Variants in LHFPL3 observed in about 807,000 individuals in gnomAD.
The protein encoded by LHFPL3 is LHFPL tetraspan subfamily member 3.
A neutral mutation model predicts 19.3 loss-of-function variants in LHFPL3; 5 were observed. That is an observed-to-expected ratio of 0.26 (90% CI 0.14 to 0.54). The LOEUF (loss-of-function observed/expected upper bound fraction) is 0.54, where lower values mean the gene tolerates loss of function less well. Ranked by LOEUF, LHFPL3 falls within the 20% of genes least tolerant of loss-of-function variation. The pLI, the probability that LHFPL3 is intolerant of heterozygous loss-of-function variation, is 0.94. For missense variants in LHFPL3, 249 were observed against 307.4 expected (o/e 0.81, Z 1.42); for synonymous variants, 133 against 126.2 (o/e 1.05, Z -0.36).
chr7:104,859,764 T>A (rs1159740594), intron 2 of LHFPL3, among the ~76,000 whole-genome samples: 1 of 152,166 alleles, frequency 6.6e-6, no homozygotes, highest in East Asian at 1.9e-4. Flanking sequence ...ACTATAATAG[T>A]GGATACACAT....
intron 1 of LHFPL3, among the ~76,000 whole-genome samples, chr7:104,549,224 G>A (rs926302111): frequency 6.6e-6 from 1 of 152,052 alleles, no homozygotes; most frequent in Non-Finnish European, 1.5e-5. Flanking sequence ...GACCAGGATA[G>A]AGGCTAAGAG....
intron 2 of LHFPL3, among the ~76,000 whole-genome samples, chr7:104,889,014 A>T (rs1308384800): frequency 6.6e-6 from 1 of 152,202 alleles, no homozygotes; most frequent in African/African-American, 2.4e-5. Context: ...CAGAAAGAGA[A>T]GAAAAAAAAG....
chr7:104,878,849 A>T (rs545046960), intron 2 of LHFPL3, among the ~76,000 whole-genome samples: 1 of 152,348 alleles, frequency 6.6e-6, no homozygotes, highest in African/African-American at 2.4e-5. Flanking sequence ...AAATGATAAG[A>T]AAGTGAAACA....
chr7:104,463,996 C>T (rs1026167886), intron 1 of LHFPL3, among the ~76,000 whole-genome samples: 11 of 152,168 alleles, frequency 7.2e-5, no homozygotes, highest in Non-Finnish European at 1.2e-4. Context: ...CAAGGCAAGT[C>T]CCTTCTGCCT....
intron 1 of LHFPL3, among the ~76,000 whole-genome samples, chr7:104,486,026 A>G (rs1221763575): frequency 2.6e-5 from 4 of 152,200 alleles, no homozygotes; most frequent in Non-Finnish European, 5.9e-5. Context: ...AACCTTATGA[A>G]GTCTATATCC....
chr7:104,825,596 A>G (rs1378979120), intron 2 of LHFPL3, among the ~76,000 whole-genome samples: 1 of 151,992 alleles, frequency 6.6e-6, no homozygotes, highest in Non-Finnish European at 1.5e-5. Context: ...AAAAATTCAA[A>G]TAATAGTGTC....
intron 1 of LHFPL3, among the ~76,000 whole-genome samples, chr7:104,624,461 A>G (rs548177772): frequency 6.6e-6 from 1 of 152,278 alleles, no homozygotes; most frequent in South Asian, 2.1e-4. Flanking sequence ...TTTCCTCCCA[A>G]GCTCTACAGA....
intron 1 of LHFPL3, among the ~76,000 whole-genome samples, chr7:104,723,553 C>G (rs192329575): frequency 3.3e-5 from 5 of 151,896 alleles, no homozygotes; most frequent in Admixed American, 3.3e-4. Context: ...GAAACCCTGT[C>G]TCTACGAAAA....
intron 1 of LHFPL3, among the ~76,000 whole-genome samples, chr7:104,731,559 T>C (rs568711976): frequency 1.3e-5 from 2 of 152,198 alleles, no homozygotes; most frequent in Non-Finnish European, 2.9e-5. Context: ...CTTGTGATTT[T>C]TGCACATTGA....
At chr7:104,709,536 C>T (rs1793257374) in intron 1 of LHFPL3, among the ~76,000 whole-genome samples, 1 of 149,916 alleles carries the variant, frequency 6.7e-6, no homozygotes, top group Non-Finnish European at 1.5e-5. Context: ...TTTCAGAGAG[C>T]ACGGGGTTGG....
chr7:104,478,303 C>T (rs1205748916), intron 1 of LHFPL3, among the ~76,000 whole-genome samples: 1 of 152,052 alleles, frequency 6.6e-6, no homozygotes, highest in Non-Finnish European at 1.5e-5. Flanking sequence ...TATGGTCTGC[C>T]AGTTTCTGGG....
intron 2 of LHFPL3, among the ~76,000 whole-genome samples, chr7:104,881,086 C>T (rs1354415528): frequency 4.1e-5 from 6 of 147,914 alleles, no homozygotes; most frequent in East Asian, 2.0e-4. Flanking sequence ...AGGAGAATGG[C>T]GTGAACCTGG....
chr7:104,523,241 T>G (rs1311375214), intron 1 of LHFPL3, among the ~76,000 whole-genome samples: 1 of 152,120 alleles, frequency 6.6e-6, no homozygotes, highest in Non-Finnish European at 1.5e-5. Context: ...GGTACTGTAA[T>G]ACAGCCTTTA....
At chr7:104,590,914 T>C (rs1790703552) in intron 1 of LHFPL3, among the ~76,000 whole-genome samples, 1 of 152,202 alleles carries the variant, frequency 6.6e-6, no homozygotes, top group Non-Finnish European at 1.5e-5. Flanking sequence ...AAGTCTGTTT[T>C]ATCAGAGACT....
chr7:104,439,528 T>C (rs527528117), intron 1 of LHFPL3, among the ~76,000 whole-genome samples: 1 of 152,250 alleles, frequency 6.6e-6, no homozygotes, highest in South Asian at 2.1e-4. Flanking sequence ...ATTATATAAA[T>C]GGACTAAAAT....
chr7:104,745,752 T>G (rs910727061), intron 2 of LHFPL3, among the ~76,000 whole-genome samples: 5 of 152,176 alleles, frequency 3.3e-5, no homozygotes, highest in African/African-American at 9.6e-5. Context: ...GTTCAGATTA[T>G]TTTATTTGGG....
chr7:104,752,091 T>C (rs1217262278), intron 2 of LHFPL3, among the ~76,000 whole-genome samples: 1 of 152,104 alleles, frequency 6.6e-6, no homozygotes, highest in East Asian at 1.9e-4. Context: ...TTAACCTGCG[T>C]TTGAGGTTGT....
At chr7:104,641,684 T>C (rs1471930916) in intron 1 of LHFPL3, among the ~76,000 whole-genome samples, 1 of 152,052 alleles carries the variant, frequency 6.6e-6, no homozygotes. Flanking sequence ...CTTCTTAAAT[T>C]GAGGGGAGGG....
At chr7:104,749,297 G>T (rs992621993) in intron 2 of LHFPL3, among the ~76,000 whole-genome samples, 1 of 152,274 alleles carries the variant, frequency 6.6e-6, no homozygotes, top group African/African-American at 2.4e-5. Context: ...TTTATCTCTC[G>T]TTTCTGTAGC....
Sources: gnomAD v4.1 joint callset for allele counts (sites outside exome capture counted in the v4.1 genomes callset) on GRCh38, gnomAD v4.1.1 for gene constraint, MANE v1.5 for transcripts, NCBI Gene and HGNC (gene_info 2026-07-23, HGNC 2026-07-21) for gene names.